The following UNC5C variants were observed in gnomAD, a reference collection of about 807,000 sequenced individuals.
UNC5C encodes the protein netrin receptor UNC5C.
In UNC5C, 47 loss-of-function variants were observed where a neutral mutation model predicts 99.8. That is an observed-to-expected ratio of 0.47 (90% confidence interval 0.37 to 0.60). UNC5C has a LOEUF of 0.60. UNC5C is among the 20% of genes least tolerant of loss of function. The pLI is 0.00. For missense variants in UNC5C, 1,062 were observed against 1,165.9 expected, an observed-to-expected ratio of 0.91 and a Z score of 1.30; for synonymous variants, 487 against 452.2, an observed-to-expected ratio of 1.08 and a Z score of -0.98.
intron 1 of UNC5C, among the ~76,000 whole-genome samples, chr4:95,544,501 A>G (rs1723008571): frequency 1.3e-5 from 2 of 152,212 alleles, no homozygotes; most frequent in African/African-American, 4.8e-5. Flanking sequence ...GAATCCAGAA[A>G]GTACTATACC....
At chr4:95,418,221 T>G (rs75269332) in intron 1 of UNC5C, among the ~76,000 whole-genome samples, 1 of 152,260 alleles carries the variant, frequency 6.6e-6, no homozygotes, top group African/African-American at 2.4e-5. Flanking sequence ...ACAGCCTTAG[T>G]CTTGCTATAG....
At chr4:95,281,940 C>A (rs1167145084) in intron 3 of UNC5C, among the ~76,000 whole-genome samples, 1 of 152,116 alleles carries the variant, frequency 6.6e-6, no homozygotes, top group African/African-American at 2.4e-5. Flanking sequence ...CATTAGAACC[C>A]CATCCCAACC....
intron 1 of UNC5C, among the ~76,000 whole-genome samples, chr4:95,395,454 A>C (rs1745483656): frequency 6.6e-6 from 1 of 152,136 alleles, no homozygotes; most frequent in African/African-American, 2.4e-5. Flanking sequence ...CTTGAGAGGA[A>C]TTTGTCCAGG....
At chr4:95,483,892 G>T (rs2149479016) in intron 1 of UNC5C, among the ~76,000 whole-genome samples, 1 of 151,952 alleles carries the variant, frequency 6.6e-6, no homozygotes, top group African/African-American at 2.4e-5. Context: ...TAACTACACA[G>T]AGGAAATGGG....
chr4:95,458,161 G>A (rs1747498513), intron 1 of UNC5C, among the ~76,000 whole-genome samples: 1 of 152,054 alleles, frequency 6.6e-6, no homozygotes, highest in Admixed American at 6.6e-5. Context: ...TTAATATAGG[G>A]CCAGAATATT....
At chr4:95,261,534 C>T (rs560282066) in intron 4 of UNC5C, among the ~76,000 whole-genome samples, 1 of 152,262 alleles carries the variant, frequency 6.6e-6, no homozygotes, top group East Asian at 1.9e-4. Context: ...TTTCCTAAAA[C>T]ATGGCATATA....
At chr4:95,379,304 A>C (rs1475699870) in intron 1 of UNC5C, among the ~76,000 whole-genome samples, 1 of 152,234 alleles carries the variant, frequency 6.6e-6, no homozygotes, top group Admixed American at 6.5e-5. Context: ...TCACAGATGC[A>C]TGCTGTGCAC....
At chr4:95,282,705 TCCTG>T (rs1741103327) in intron 3 of UNC5C, among the ~76,000 whole-genome samples, 1 of 152,194 alleles carries the variant, frequency 6.6e-6, no homozygotes, top group Non-Finnish European at 1.5e-5. Context: ...TCTAGATTCT[TCCTG>T]GCCTCTCTGA....
intron 15 of UNC5C, 130 bp downstream of exon 15, chr4:95,170,024 A>C: frequency 1.2e-5 from 14 of 1,203,660 alleles, no homozygotes; most frequent in Middle Eastern, 2.9e-4. Context: ...CTTAATGCAT[A>C]TTTGCAAAAT....
At chr4:95,328,188 T>C (rs2149416861) in intron 2 of UNC5C, among the ~76,000 whole-genome samples, 1 of 108,410 alleles carries the variant, frequency 9.2e-6, no homozygotes, top group East Asian at 3.5e-4. Flanking sequence ...TAGCATTAGG[T>C]ATATCTCCCA....
chr4:95,189,936 T>C (rs1177231465), intron 12 of UNC5C, among the ~76,000 whole-genome samples: 12 of 152,176 alleles, frequency 7.9e-5, no homozygotes, highest in East Asian at 1.9e-4. Context: ...AGTGTGGCGA[T>C]TCCTCAGGGA....
intron 7 of UNC5C, among the ~76,000 whole-genome samples, chr4:95,230,238 T>G (rs1029898807): frequency 6.6e-6 from 1 of 152,224 alleles, no homozygotes; most frequent in African/African-American, 2.4e-5. Context: ...GCTGCATAAA[T>G]GTCTTCTTTT....
chr4:95,271,451 GATC>G, intron 4 of UNC5C, among the ~76,000 whole-genome samples: 1 of 151,968 alleles, frequency 6.6e-6, no homozygotes, highest in Non-Finnish European at 1.5e-5. Context: ...GGATGGTCTC[GATC>G]TCCTGACCTC....
intron 1 of UNC5C, among the ~76,000 whole-genome samples, chr4:95,382,349 T>C (rs756149539): frequency 4.9e-4 from 75 of 151,876 alleles, no homozygotes; most frequent in South Asian, 6.3e-4. Context: ...GGCATGCGCA[T>C]GTACTCCCTG....
chr4:95,510,980 G>A lies in UNC5C; in HGVS notation c.124+37754C>T, dbSNP rs747505996. Among the ~76,000 whole-genome samples, 8 of 152,234 alleles carry A rather than the reference G, an allele frequency of 5.3e-5. No individual in the cohort carries two copies. In the South Asian group the frequency reaches 6.2e-4, roughly 12 times the overall value. On this transcript the variant is annotated intron_variant, in intron 1 of 15. Transcript: ENST00000453304. Reference sequence around the variant, plus strand: ...CCCATTAGCTAGTGCCCTGAGAAACGGGTGGAATGATTTCATAATTTCTGT... The same window carrying A: ...CCCATTAGCTAGTGCCCTGAGAAACAGGTGGAATGATTTCATAATTTCTGT...
intron 1 of UNC5C, among the ~76,000 whole-genome samples, chr4:95,463,104 T>A (rs1168141444): frequency 2.0e-5 from 3 of 152,164 alleles, no homozygotes; most frequent in African/African-American, 7.2e-5. Flanking sequence ...CACCGGGCTT[T>A]CATGTTGGAG....
At chr4:95,482,976 T>A (rs1305625562) in intron 1 of UNC5C, among the ~76,000 whole-genome samples, 11 of 140,648 alleles carry the variant, frequency 7.8e-5, no homozygotes, top group South Asian at 2.3e-4. Flanking sequence ...AACCTGCACA[T>A]TGTGCACATG....
chr4:95,473,145 CTTCTT>C (rs1748026070), intron 1 of UNC5C, among the ~76,000 whole-genome samples: 1 of 152,194 alleles, frequency 6.6e-6, no homozygotes, highest in East Asian at 1.9e-4. Flanking sequence ...CATGCCAACT[CTTCTT>C]TTGTGTTTTG....
intron 1 of UNC5C, among the ~76,000 whole-genome samples, chr4:95,530,350 A>T (rs1722609740): frequency 6.6e-6 from 1 of 152,220 alleles, no homozygotes; most frequent in African/African-American, 2.4e-5. Flanking sequence ...GGGGTCATAC[A>T]GATATATCAT....
Sources: allele counts gnomAD v4.1 joint callset (sites outside exome capture counted in the v4.1 genomes callset), GRCh38; gene constraint gnomAD v4.1.1; transcripts MANE v1.5; gene names NCBI Gene and HGNC (gene_info 2026-07-23, HGNC 2026-07-21).